Variants in BICC1 observed in about 807,000 individuals in gnomAD.
The protein encoded by BICC1 is protein bicaudal C homolog 1.
A neutral mutation model predicts 111.0 loss-of-function variants in BICC1; 43 were observed. The observed-to-expected ratio is 0.39, with a 90% CI of 0.30 to 0.50. The LOEUF is 0.50. Ranked by LOEUF, BICC1 falls within the 20% of genes least tolerant of loss-of-function variation. The pLI, the probability that BICC1 is intolerant of heterozygous loss-of-function variation, is 0.88. For synonymous variants in BICC1, 467 were observed against 434.4 expected (o/e 1.07, Z -0.93); for missense variants, 1,091 against 1,203.2 (o/e 0.91, Z 1.38).
intron 1 of BICC1, among the ~76,000 whole-genome samples, chr10:58,563,725 G>A (rs910976039): frequency 6.6e-6 from 1 of 152,056 alleles, no homozygotes; most frequent in Non-Finnish European, 1.5e-5. Flanking sequence ...GAGACAAAGG[G>A]GTGTTTTAAA....
intron 1 of BICC1, among the ~76,000 whole-genome samples, chr10:58,576,818 T>C (rs1844126784): frequency 1.3e-5 from 2 of 152,160 alleles, no homozygotes; most frequent in Non-Finnish European, 2.9e-5. Context: ...CTCACTTGCT[T>C]GAGGGGGACA....
chr10:58,633,678 C>T (rs997362659), intron 2 of BICC1, among the ~76,000 whole-genome samples: 37 of 152,196 alleles, frequency 2.4e-4, no homozygotes, highest in African/African-American at 8.4e-4. Flanking sequence ...TCCAGGAAAA[C>T]AGTTGGAAGT....
intron 1 of BICC1, among the ~76,000 whole-genome samples, chr10:58,528,731 T>C (rs1842607829): frequency 6.6e-6 from 1 of 151,956 alleles, no homozygotes; most frequent in Admixed American, 6.6e-5. Flanking sequence ...GGACAGCCTC[T>C]CAGGGTTTTG....
chr10:58,585,847 G>A (rs112386203), intron 1 of BICC1, among the ~76,000 whole-genome samples: 3 of 152,148 alleles, frequency 2.0e-5, no homozygotes, highest in Admixed American at 6.5e-5. Flanking sequence ...AGATGATGAC[G>A]TACCTTCAGA....
chr10:58,724,118 G>T (rs1261652766), intron 3 of BICC1, among the ~76,000 whole-genome samples: 1 of 152,182 alleles, frequency 6.6e-6, no homozygotes, highest in East Asian at 1.9e-4. Flanking sequence ...CAGCCGATCA[G>T]TGCTTTTGCT....
At chr10:58,737,933 T>C (rs1450111119) in intron 3 of BICC1, among the ~76,000 whole-genome samples, 2 of 152,080 alleles carry the variant, frequency 1.3e-5, no homozygotes, top group Non-Finnish European at 2.9e-5. Context: ...GTTGGTGGGG[T>C]TGTTTGATTT....
chr10:58,652,908 G>A (rs1287011383), intron 2 of BICC1, among the ~76,000 whole-genome samples: 3 of 152,106 alleles, frequency 2.0e-5, no homozygotes, highest in Admixed American at 2.0e-4. Context: ...AGTGTTTGCT[G>A]TTAGTAGAAG....
chr10:58,787,078 C>A lies in BICC1; in HGVS notation c.543C>A (p.Asn181Lys). The change falls in exon 5 of 21, where the codon AAC becomes AAA. Residue 181 changes from asparagine (N) to lysine (K), a missense_variant. This residue lies in a region of BICC1 where 843 missense variants were observed against 900.8 expected (regional missense o/e 0.94). Coordinates refer to ENST00000373886, the MANE Select transcript of BICC1 (RefSeq NM_001080512.3). ...GGAATAACCAAGCAGAAAAAAGCAACCAGGTGGTTTGTCTTTTCACATGAA... is the reference window on the plus strand; with the variant it reads ...GGAATAACCAAGCAGAAAAAAGCAAACAGGTGGTTTGTCTTTTCACATGAA... ...SNRNNQAEKS[N>K]QVSIAGQPAG... 1 of 1,576,110 alleles carries A rather than the reference C, an allele frequency of 6.3e-7. No homozygotes were observed. The highest frequency in any genetic ancestry group is 2.0e-5 in the Admixed American group (1 of 51,076).
In BICC1 at chr10:58,708,685, A is replaced by C. The variant is rs563855861; in HGVS notation, c.307+6542A>C. On this transcript the variant is annotated intron_variant, in intron 3 of 20. Transcript: ENST00000373886. ...ACTCCACCCTAATCTTTTACTATGCAAATGGGGTCTCTACTTGGCCTGTGC... is the reference window on the plus strand; with the variant it reads ...ACTCCACCCTAATCTTTTACTATGCCAATGGGGTCTCTACTTGGCCTGTGC... Among the ~76,000 whole-genome samples the C allele has an allele frequency of 5.3e-5, 8 of 150,164 alleles. No individual in the cohort carries two copies. The South Asian group carries it at 1.7e-3, about 32-fold the overall frequency.
chr10:58,575,062 G>A (rs528477486), intron 1 of BICC1, among the ~76,000 whole-genome samples: 1 of 150,858 alleles, frequency 6.6e-6, no homozygotes, highest in Admixed American at 6.6e-5. Flanking sequence ...TGTGCAGAAC[G>A]TGCAGGTTTG....
intron 3 of BICC1, among the ~76,000 whole-genome samples, chr10:58,723,046 G>T (rs1840989605): frequency 6.6e-6 from 1 of 152,078 alleles, no homozygotes; most frequent in Non-Finnish European, 1.5e-5. Context: ...TCAATTTCTG[G>T]TTTCTAGTCT....
chr10:58,674,066 C>T (rs1342002681), intron 2 of BICC1, among the ~76,000 whole-genome samples: 1 of 152,206 alleles, frequency 6.6e-6, no homozygotes, highest in Non-Finnish European at 1.5e-5. Flanking sequence ...CATTTAGCTA[C>T]CAACATTTTA....
chr10:58,577,729 G>A (rs140290676), intron 1 of BICC1, among the ~76,000 whole-genome samples: 159 of 152,206 alleles, frequency 1.0e-3, no homozygotes, highest in African/African-American at 3.8e-3. Flanking sequence ...ATACATACCT[G>A]AATTTGAAAC....
chr10:58,796,684 T>TG (rs1411640945), intron 10 of BICC1, among the ~76,000 whole-genome samples, 158 bp downstream of exon 10: 1 of 152,186 alleles, frequency 6.6e-6, no homozygotes, highest in Non-Finnish European at 1.5e-5. Flanking sequence ...CAATCCATTT[T>TG]GGGGTTTCTT....
chr10:58,697,896 T>G (rs1840111934), intron 2 of BICC1, among the ~76,000 whole-genome samples: 1 of 146,992 alleles, frequency 6.8e-6, no homozygotes, highest in Admixed American at 6.8e-5. Context: ...CCACACCCCC[T>G]GTAGAGACCT....
intron 3 of BICC1, among the ~76,000 whole-genome samples, chr10:58,773,747 C>G (rs1205997698): frequency 6.6e-6 from 1 of 152,340 alleles, no homozygotes; most frequent in East Asian, 1.9e-4. Flanking sequence ...TTTGACTTCT[C>G]TGCTGAGAAG....
intron 2 of BICC1, among the ~76,000 whole-genome samples, chr10:58,630,429 T>C (rs1259367823): frequency 6.6e-6 from 1 of 152,096 alleles, no homozygotes; most frequent in East Asian, 1.9e-4. Flanking sequence ...TTTCCTGTTT[T>C]TGTTTTGTTT....
At chr10:58,539,206 A>G (rs1228180780) in intron 1 of BICC1, among the ~76,000 whole-genome samples, 1 of 151,934 alleles carries the variant, frequency 6.6e-6, no homozygotes, top group Non-Finnish European at 1.5e-5. Flanking sequence ...CTACTCAGCC[A>G]TAAAAAAGAA....
intron 2 of BICC1, among the ~76,000 whole-genome samples, chr10:58,656,171 G>C (rs1423701015): frequency 1.3e-5 from 2 of 151,982 alleles, no homozygotes; most frequent in Non-Finnish European, 2.9e-5. Context: ...TCTCTGAATA[G>C]ACCAATAACA....
Sources: gnomAD v4.1 joint callset for allele counts (sites outside exome capture counted in the v4.1 genomes callset) on GRCh38, gnomAD v4.1.1 for gene constraint, gnomAD v4.1.1 regional missense constraint, MANE v1.5 for transcripts, NCBI Gene and HGNC (gene_info 2026-07-23, HGNC 2026-07-21) for gene names.